Variants in MTF2 observed in about 807,000 individuals in gnomAD.
The protein encoded by MTF2 is metal response element binding transcription factor 2.
A neutral mutation model predicts 79.5 loss-of-function variants in MTF2; 11 were observed. The observed-to-expected ratio is 0.14, with a 90% confidence interval of 0.09 to 0.23. MTF2 has a LOEUF of 0.23. MTF2 is among the 10% of genes least tolerant of loss of function. MTF2 has a pLI of 1.00. For missense variants in MTF2, 486 were observed against 711.2 expected (o/e 0.68, Z 3.60); for synonymous variants, 208 against 232.8 (o/e 0.89, Z 0.97).
At chr1:93,126,381 TTC>T (rs560650816) in intron 9 of MTF2, among the ~76,000 whole-genome samples, 1 of 152,094 alleles carries the variant, frequency 6.6e-6, no homozygotes, top group Non-Finnish European at 1.5e-5. Context: ...CAGATTTGTT[TTC>T]TCTCTCACTT....
intron 9 of MTF2, among the ~76,000 whole-genome samples, chr1:93,125,484 A>C (rs1240147926): frequency 1.3e-5 from 2 of 151,556 alleles, no homozygotes; most frequent in Admixed American, 1.3e-4. Flanking sequence ...CTTGAGGGAG[A>C]CTCTTATGGA....
chr1:93,109,290 TA>T (rs1454098363), intron 1 of MTF2, among the ~76,000 whole-genome samples: 11 of 152,100 alleles, frequency 7.2e-5, no homozygotes, highest in African/African-American at 2.4e-4. Context: ...ATTTAATATA[TA>T]TTTTTTTCCT....
At chr1:93,113,183 C>T (rs1409796116) in intron 3 of MTF2, among the ~76,000 whole-genome samples, 1 of 148,220 alleles carries the variant, frequency 6.7e-6, no homozygotes, top group African/African-American at 2.5e-5. Flanking sequence ...AATTTGAGAC[C>T]AGCTTGGGCA....
intron 5 of MTF2, 111 bp from the exon 6 acceptor site, chr1:93,115,359 A>G (rs1455808792): frequency 7.5e-6 from 7 of 929,056 alleles, no homozygotes; most frequent in Non-Finnish European, 7.7e-6. Context: ...GTGATATGGT[A>G]AAAGTTTGGA....
intron 1 of MTF2, among the ~76,000 whole-genome samples, chr1:93,096,872 G>A (rs1433245858): frequency 7.0e-6 from 1 of 143,798 alleles, no homozygotes; most frequent in Non-Finnish European, 1.5e-5. Context: ...GTGCAGTGGT[G>A]TGATCATGGC....
chr1:93,132,054 TTGAC>T (rs1461945682), intron 11 of MTF2, among the ~76,000 whole-genome samples: 6 of 146,638 alleles, frequency 4.1e-5, no homozygotes, highest in East Asian at 2.0e-4. Flanking sequence ...GATAAGGAAA[TTGAC>T]TGAAGTTCTT....
chr1:93,118,204 C>T, intron 6 of MTF2, 141 bp from the exon 7 acceptor site: 1 of 447,710 alleles, frequency 2.2e-6, no homozygotes, highest in Non-Finnish European at 3.9e-6. Context: ...GAAATATTTA[C>T]AGTAAGTATA....
chr1:93,114,861 T>C (rs1656183049), intron 4 of MTF2, 78 bp downstream of exon 4: 2 of 1,280,298 alleles, frequency 1.6e-6, no homozygotes, highest in South Asian at 2.8e-5. Context: ...TACTTTACAT[T>C]GATAATTTGA....
chr1:93,136,221 G>GTA (rs1647387643), intron 14 of MTF2, among the ~76,000 whole-genome samples: 1 of 152,138 alleles, frequency 6.6e-6, no homozygotes, highest in South Asian at 2.1e-4. Context: ...CCTAGAACTG[G>GTA]TAATAAGAGA....
intron 1 of MTF2, among the ~76,000 whole-genome samples, chr1:93,098,104 C>G (rs1457708483): frequency 6.6e-6 from 1 of 152,164 alleles, no homozygotes; most frequent in Non-Finnish European, 1.5e-5. Flanking sequence ...ATGCCACTTT[C>G]TCTCTAATTT....
intron 9 of MTF2, among the ~76,000 whole-genome samples, chr1:93,126,047 CTA>C (rs1656681671): frequency 6.6e-6 from 1 of 151,976 alleles, no homozygotes; most frequent in Non-Finnish European, 1.5e-5. Flanking sequence ...AAGTCTGATT[CTA>C]TTATTCCTCC....
intron 14 of MTF2, among the ~76,000 whole-genome samples, chr1:93,135,495 A>G (rs1647353419): frequency 6.6e-6 from 1 of 152,178 alleles, no homozygotes; most frequent in African/African-American, 2.4e-5. Context: ...CTCTTACTAG[A>G]TACTCTGCTA....
intron 1 of MTF2, among the ~76,000 whole-genome samples, chr1:93,093,645 T>C (rs1277027959): frequency 1.3e-5 from 2 of 152,238 alleles, no homozygotes; most frequent in African/African-American, 2.4e-5. Flanking sequence ...GATAAATCTT[T>C]AAATACTTTA....
intron 3 of MTF2, among the ~76,000 whole-genome samples, chr1:93,113,487 A>G (rs1336108769): frequency 6.6e-6 from 1 of 152,194 alleles, no homozygotes; most frequent in African/African-American, 2.4e-5. Flanking sequence ...CCCTCCAAAA[A>G]AAGAAAAACA....
At chr1:93,096,366 A>T (rs1399488408) in intron 1 of MTF2, among the ~76,000 whole-genome samples, 1 of 152,140 alleles carries the variant, frequency 6.6e-6, no homozygotes, top group East Asian at 1.9e-4. Flanking sequence ...ATATGTTACA[A>T]CTTCCAAGTC....
At position 93,110,442 on chromosome 1, in the gene MTF2, A is replaced by G; in HGVS notation, c.204+14A>G. ...ACTATCAAAAAGGCAAGTTACTTTA[A>G]TGTATCTTTTGCTGTTTTTGCAGTA... On this transcript the variant is annotated intron_variant, in intron 2 of 14. Coordinates refer to ENST00000370298, the MANE Select transcript of MTF2 (RefSeq NM_007358.4). 1 of 1,613,622 alleles carries G rather than the reference A, an allele frequency of 6.2e-7. No homozygotes were observed.
chr1:93,119,735 C>T (rs1373044780), intron 8 of MTF2: 3 of 179,834 alleles, frequency 1.7e-5, no homozygotes, highest in Non-Finnish European at 3.4e-5. Flanking sequence ...CTAATTTCTG[C>T]TTCAATGTAG....
At chr1:93,133,674 A>T (rs757729729) in intron 11 of MTF2, 29 bp from the exon 12 acceptor site, 3 of 1,510,694 alleles carry the variant, frequency 2.0e-6, no homozygotes, top group African/African-American at 1.4e-5. Flanking sequence ...TTATGCAGAG[A>T]TTAAATGCAT....
intron 10 of MTF2, among the ~76,000 whole-genome samples, chr1:93,128,092 A>G (rs1043900872): frequency 6.6e-6 from 1 of 152,186 alleles, no homozygotes; most frequent in African/African-American, 2.4e-5. Flanking sequence ...CTTGAAGTAT[A>G]ATAAAAAGGA....
Sources: gnomAD v4.1 joint callset for allele counts (sites outside exome capture counted in the v4.1 genomes callset) on GRCh38, gnomAD v4.1.1 for gene constraint, MANE v1.5 for transcripts, NCBI Gene and HGNC (gene_info 2026-07-23, HGNC 2026-07-21) for gene names.